The following PDE3B variants were observed in gnomAD, a reference collection of about 807,000 sequenced individuals.
The protein encoded by PDE3B is cGMP-inhibited 3',5'-cyclic phosphodiesterase 3B.
Under a neutral mutation model 116.8 loss-of-function variants are expected in PDE3B, and 66 were observed. That is an observed-to-expected ratio of 0.56 (90% CI 0.46 to 0.69). PDE3B has a LOEUF of 0.69. Among genes scored for constraint, PDE3B ranks in the 30% least tolerant of loss-of-function variants. PDE3B has a pLI of 0.00. For missense variants in PDE3B, 1,384 were observed against 1,368.1 expected, an observed-to-expected ratio of 1.01 and a Z score of -0.18; for synonymous variants, 595 against 533.6, an observed-to-expected ratio of 1.12 and a Z score of -1.59.
intron 1 of PDE3B, among the ~76,000 whole-genome samples, chr11:14,759,163 G>GT (rs527652321): frequency 6.6e-6 from 1 of 152,034 alleles, no homozygotes; most frequent in Non-Finnish European, 1.5e-5. Context: ...TGCTGGATTC[G>GT]TTTTTTCCAG....
the PDE3B span, among the ~76,000 whole-genome samples, chr11:14,885,026 T>G: frequency 2.6e-5 from 4 of 152,176 alleles, no homozygotes; most frequent in Non-Finnish European, 5.9e-5. Flanking sequence ...TGTGATGTAA[T>G]ATAGGATTTT....
chr11:14,892,294 C>G, the PDE3B span: 1 of 1,296,444 alleles, frequency 7.7e-7, no homozygotes, highest in Non-Finnish European at 1.1e-6. Context: ...GCAGGATACC[C>G]TCAGGTCCCG....
At chr11:14,890,054 G>C in the PDE3B span, among the ~76,000 whole-genome samples, 1 of 152,064 alleles carries the variant, frequency 6.6e-6, no homozygotes, top group Admixed American at 6.5e-5. Context: ...GCGTGAACTC[G>C]GGAGGCGGAG....
At chr11:14,708,044 T>C (rs1202167573) in intron 1 of PDE3B, among the ~76,000 whole-genome samples, 1 of 152,046 alleles carries the variant, frequency 6.6e-6, no homozygotes, top group African/African-American at 2.4e-5. Context: ...TCTTCAAACC[T>C]CATGTTGAAA....
chr11:14,660,549 C>T (rs759015916), intron 1 of PDE3B, among the ~76,000 whole-genome samples: 12 of 152,020 alleles, frequency 7.9e-5, no homozygotes, highest in African/African-American at 9.7e-5. Flanking sequence ...AGTCATCTGC[C>T]CACCTTGGCC....
At chr11:14,763,103 G>A (rs565501484) in intron 1 of PDE3B, among the ~76,000 whole-genome samples, 68 of 152,298 alleles carry the variant, frequency 4.5e-4, no homozygotes, top group African/African-American at 1.6e-3. Flanking sequence ...TCCAAGGGCA[G>A]TGGGGGTCAC....
intron 1 of PDE3B, among the ~76,000 whole-genome samples, chr11:14,657,097 C>T (rs1247014081): frequency 1.3e-5 from 2 of 152,020 alleles, no homozygotes; most frequent in African/African-American, 2.4e-5. Flanking sequence ...TTTGGTCTTC[C>T]AGAAGAAAAA....
At chr11:14,669,460 CA>C (rs1489146356) in intron 1 of PDE3B, among the ~76,000 whole-genome samples, 1 of 152,120 alleles carries the variant, frequency 6.6e-6, no homozygotes. Flanking sequence ...ATATTCGTAA[CA>C]CTACCTTTTT....
At chr11:14,776,077 A>C (rs1857775605) in intron 2 of PDE3B, 1 of 152,262 alleles carries the variant, frequency 6.6e-6, no homozygotes, top group African/African-American at 2.4e-5. Context: ...AGGAAAAACA[A>C]CACAGTGACA....
At chr11:14,680,714 T>C (rs1854677113) in intron 1 of PDE3B, among the ~76,000 whole-genome samples, 1 of 152,174 alleles carries the variant, frequency 6.6e-6, no homozygotes, top group Admixed American at 6.5e-5. Context: ...TTCATGTGAC[T>C]TAAGTATAAC....
chr11:14,840,463 GT>G (rs1438062047), intron 11 of PDE3B, among the ~76,000 whole-genome samples: 1 of 152,162 alleles, frequency 6.6e-6, no homozygotes, highest in Admixed American at 6.5e-5. Flanking sequence ...TACAAGATTA[GT>G]TTTGAGTTGC....
intron 5 of PDE3B, among the ~76,000 whole-genome samples, chr11:14,805,473 A>G (rs1018819286): frequency 6.6e-6 from 1 of 152,230 alleles, no homozygotes; most frequent in South Asian, 2.1e-4. Flanking sequence ...GGTGATGGGT[A>G]TGTTAATTAA....
At chr11:14,656,014 C>G (rs1323698417) in intron 1 of PDE3B, among the ~76,000 whole-genome samples, 2 of 151,984 alleles carry the variant, frequency 1.3e-5, no homozygotes, top group African/African-American at 4.8e-5. Flanking sequence ...AGATTATTGA[C>G]AATGGGAAAA....
the PDE3B span, chr11:14,885,884 C>T: frequency 1.9e-6 from 3 of 1,613,440 alleles, no homozygotes; most frequent in Non-Finnish European, 2.5e-6. Flanking sequence ...TTTAGAACCA[C>T]AGTTGATATG....
intron 1 of PDE3B, chr11:14,673,583 C>CA (rs1491302550): frequency 1.8e-6 from 1 of 571,328 alleles, no homozygotes; most frequent in Non-Finnish European, 3.4e-6. Flanking sequence ...GAGCGCCTCT[C>CA]ACATGGCTCT....
chr11:14,889,747 T>G, the PDE3B span, among the ~76,000 whole-genome samples: 3 of 152,180 alleles, frequency 2.0e-5, no homozygotes, highest in African/African-American at 4.8e-5. Flanking sequence ...AAAGCTTAAT[T>G]CCTTTTTCTG....
At chr11:14,724,447 GA>G (rs1485423756) in intron 1 of PDE3B, among the ~76,000 whole-genome samples, 1 of 152,154 alleles carries the variant, frequency 6.6e-6, no homozygotes, top group Admixed American at 6.5e-5. Flanking sequence ...TCCAAAATCA[GA>G]AATGCTCCAA....
chr11:14,859,313 T>G, intron 13 of PDE3B, 67 bp downstream of exon 13: 1 of 1,102,846 alleles, frequency 9.1e-7, no homozygotes, highest in Non-Finnish European at 1.3e-6. Flanking sequence ...TAAAATATGT[T>G]TTTTAATGTT....
intron 1 of PDE3B, among the ~76,000 whole-genome samples, chr11:14,757,573 A>T (rs1228343630): frequency 3.2e-5 from 4 of 123,822 alleles, no homozygotes; most frequent in African/African-American, 6.6e-5. Context: ...GCATTTTTTC[A>T]TGTGTTTTTT....
Sources: allele counts gnomAD v4.1 joint callset (sites outside exome capture counted in the v4.1 genomes callset), GRCh38; gene constraint gnomAD v4.1.1; transcripts MANE v1.5; gene names NCBI Gene and HGNC (gene_info 2026-07-23, HGNC 2026-07-21).